The following DNAJB6 variants were observed in gnomAD, a reference collection of about 807,000 sequenced individuals.
DNAJB6 encodes the protein dnaJ homolog subfamily B member 6.
A neutral mutation model predicts 42.7 loss-of-function variants in DNAJB6; 16 were observed. The ratio of observed to expected loss-of-function variants is 0.37; its 90% CI spans 0.25 to 0.57. The LOEUF (loss-of-function observed/expected upper bound fraction) is 0.57. DNAJB6 is among the 20% of genes least tolerant of loss of function. The probability of loss-of-function intolerance (pLI) is 0.74; values close to 1 mark genes in which losing one functional copy is unlikely to be tolerated. For synonymous variants in DNAJB6, 170 were observed against 163.5 expected (o/e 1.04, Z -0.30); for missense variants, 347 against 416.8 (o/e 0.83, Z 1.46).
At chr7:157,404,036 A>G (rs889558464) in intron 8 of DNAJB6, among the ~76,000 whole-genome samples, 2 of 151,526 alleles carry the variant, frequency 1.3e-5, no homozygotes, top group Non-Finnish European at 2.9e-5. Flanking sequence ...GTGCGATCAC[A>G]GCTCACTGCA....
At chr7:157,381,252 C>T (rs927565093) in intron 5 of DNAJB6, 5 of 152,124 alleles carry the variant, frequency 3.3e-5, no homozygotes, top group Non-Finnish European at 7.3e-5. Flanking sequence ...GTTGCTCTGG[C>T]CTGCAAGTAG....
chr7:157,373,698 G>A (rs1035320676), intron 5 of DNAJB6, among the ~76,000 whole-genome samples: 5 of 152,318 alleles, frequency 3.3e-5, no homozygotes, highest in Admixed American at 2.6e-4. Context: ...TCAAGTACAG[G>A]CATGGGAGTG....
chr7:157,384,358 T>C (rs1800942205), intron 6 of DNAJB6, among the ~76,000 whole-genome samples: 1 of 152,232 alleles, frequency 6.6e-6, no homozygotes, highest in South Asian at 2.1e-4. Flanking sequence ...CCGATTAGGT[T>C]TGCTGTTCTG....
intron 1 of DNAJB6, among the ~76,000 whole-genome samples, chr7:157,352,829 G>T (rs1480111313): frequency 6.6e-6 from 1 of 152,152 alleles, no homozygotes; most frequent in East Asian, 1.9e-4. Flanking sequence ...ACCACAGTGA[G>T]TAGGTAGTTT....
At chr7:157,378,325 C>T (rs781051868) in intron 5 of DNAJB6, 4 of 152,172 alleles carry the variant, frequency 2.6e-5, no homozygotes, top group Non-Finnish European at 2.9e-5. Flanking sequence ...AAAGTATGAT[C>T]AGTTGTTTAT....
At chr7:157,403,048 T>A (rs1563149567) in intron 8 of DNAJB6, among the ~76,000 whole-genome samples, 1 of 151,644 alleles carries the variant, frequency 6.6e-6, no homozygotes, top group Non-Finnish European at 1.5e-5. Flanking sequence ...GTTTTATGCA[T>A]CTCAGGGAGA....
intron 8 of DNAJB6, chr7:157,386,374 T>G (rs1020997462): frequency 4.1e-5 from 39 of 943,442 alleles, no homozygotes; most frequent in Non-Finnish European, 4.7e-5. Flanking sequence ...AGTGTCACTT[T>G]AATAGCGTTT....
rs1423976778 is a variant in DNAJB6, at chr7:157,358,527, C to T, written c.-26-20C>T. 1.3e-6 allele frequency: 2 copies of T among 1,538,086 alleles called. No individual in the cohort carries two copies. Among genetic ancestry groups the T allele is most frequent in the South Asian group, 1.1e-5 (1 of 89,340 alleles). On this transcript the variant is annotated intron_variant, in intron 1 of 9. Transcript: ENST00000262177. ...CCATCCCCAGCAGCCTCATCACTGA[C>T]CACCTGTTTTTACTTGCAGGACCCA... is the stretch of plus-strand genomic sequence containing the variant.
At chr7:157,405,197 C>T (rs978452886) in intron 8 of DNAJB6, among the ~76,000 whole-genome samples, 1 of 152,196 alleles carries the variant, frequency 6.6e-6, no homozygotes, top group African/African-American at 2.4e-5. Flanking sequence ...AATTCTGAAT[C>T]ATACAAGGAC....
intron 1 of DNAJB6, among the ~76,000 whole-genome samples, chr7:157,355,980 A>T (rs1007230754): frequency 3.9e-5 from 6 of 152,236 alleles, no homozygotes; most frequent in Non-Finnish European, 5.9e-5. Flanking sequence ...TCTTCCTCCC[A>T]TTCCCACCAC....
chr7:157,368,671 A>C (rs1386627764), intron 5 of DNAJB6: 1 of 153,250 alleles, frequency 6.5e-6, no homozygotes, highest in Non-Finnish European at 1.5e-5. Context: ...CTTCTCAACC[A>C]CTGGGACTTC....
At chr7:157,337,243 G>A (rs1798084647) in intron 1 of DNAJB6, 99 bp downstream of exon 1, 1 of 152,256 alleles carries the variant, frequency 6.6e-6, no homozygotes. Flanking sequence ...AGCGCGGGGG[G>A]TGACCGGGGT....
intron 1 of DNAJB6, among the ~76,000 whole-genome samples, chr7:157,342,253 C>T (rs536782800): frequency 1.3e-4 from 20 of 151,834 alleles, no homozygotes; most frequent in Admixed American, 9.8e-4. Flanking sequence ...CCCCAGCCTC[C>T]GCCTCCTAGT....
chr7:157,354,190 C>T (rs1445518146), intron 1 of DNAJB6, among the ~76,000 whole-genome samples: 6 of 152,052 alleles, frequency 3.9e-5, no homozygotes, highest in African/African-American at 1.4e-4. Context: ...TCTTGTTGCC[C>T]AGGCTGGAGT....
At chr7:157,360,791 C>T (rs1388684097) in intron 2 of DNAJB6, among the ~76,000 whole-genome samples, 1 of 152,194 alleles carries the variant, frequency 6.6e-6, no homozygotes, top group East Asian at 1.9e-4. Context: ...TGTTCTGCAT[C>T]TCTCCTGAGA....
At chr7:157,350,617 G>A (rs191681511) in intron 1 of DNAJB6, among the ~76,000 whole-genome samples, 189 of 152,196 alleles carry the variant, frequency 1.2e-3, no homozygotes, top group African/African-American at 3.8e-3. Context: ...TGATATAAAG[G>A]TCCTTTAATA....
At chr7:157,413,602 T>A (rs969954336) in intron 9 of DNAJB6, 2 of 152,002 alleles carry the variant, frequency 1.3e-5, no homozygotes, top group Non-Finnish European at 2.9e-5. Context: ...TGCCCAAGGC[T>A]GGCGGTCCCA....
intron 8 of DNAJB6, among the ~76,000 whole-genome samples, chr7:157,397,403 T>G (rs889440963): frequency 2.0e-5 from 3 of 152,184 alleles, no homozygotes; most frequent in African/African-American, 4.8e-5. Context: ...GGAACCTCTG[T>G]GTCGCTGCGG....
chr7:157,398,576 T>C (rs987363027), intron 8 of DNAJB6, among the ~76,000 whole-genome samples: 1 of 152,212 alleles, frequency 6.6e-6, no homozygotes, highest in Admixed American at 6.5e-5. Flanking sequence ...CTGCGGAACA[T>C]TCCTCTAATA....
Sources: gnomAD v4.1 joint callset for allele counts (sites outside exome capture counted in the v4.1 genomes callset) on GRCh38, gnomAD v4.1.1 for gene constraint, MANE v1.5 for transcripts, NCBI Gene and HGNC (gene_info 2026-07-23, HGNC 2026-07-21) for gene names.